MTA3: variants seen among roughly 807,000 people sequenced by gnomAD.
MTA3 encodes the protein metastasis associated 1 family member 3, also known as metastasis-associated protein MTA3.
A neutral mutation model predicts 83.5 loss-of-function variants in MTA3; 34 were observed. That is an observed-to-expected ratio of 0.41 (90% CI 0.31 to 0.54). MTA3 has a LOEUF of 0.54. Ranked by LOEUF, MTA3 falls within the 20% of genes least tolerant of loss-of-function variation. The pLI, the probability that MTA3 is intolerant of heterozygous loss-of-function variation, is 0.33. For missense variants in MTA3, 761 were observed against 726.4 expected (o/e 1.05, Z -0.55); for synonymous variants, 303 against 252.7 (o/e 1.20, Z -1.89).
At chr2:42,655,198 A>G (rs1010596354) in intron 6 of MTA3, among the ~76,000 whole-genome samples, 2 of 152,216 alleles carry the variant, frequency 1.3e-5, no homozygotes, top group African/African-American at 4.8e-5. Flanking sequence ...CCTTACCAGA[A>G]AAATCAAGGG....
intron 2 of MTA3, among the ~76,000 whole-genome samples, chr2:42,497,226 AAAAAC>A (rs568487168): frequency 6.8e-4 from 103 of 152,134 alleles, no homozygotes; most frequent in African/African-American, 2.3e-3. Context: ...GTTTTCAAAA[AAAAAC>A]AAAACAAACA....
intron 3 of MTA3, among the ~76,000 whole-genome samples, chr2:42,593,708 C>CTTTA (rs3039325): frequency 0.75 from 113,488 of 151,148 alleles, 42,965 homozygotes; most frequent in South Asian, 0.88. Context: ...GATATGGAGT[C>CTTTA]TTTATTTATT....
At chr2:42,513,628 C>T (rs1347442798) in intron 2 of MTA3, among the ~76,000 whole-genome samples, 1 of 152,056 alleles carries the variant, frequency 6.6e-6, no homozygotes, top group African/African-American at 2.4e-5. Context: ...CCACATAGGA[C>T]AGAGAAAAGG....
At chr2:42,585,158 C>T (rs969032367) in intron 3 of MTA3, among the ~76,000 whole-genome samples, 44 of 151,664 alleles carry the variant, frequency 2.9e-4, no homozygotes, top group African/African-American at 9.9e-4. Context: ...GCGCGATCTC[C>T]GGCTCACTGC....
chr2:42,533,849 AG>A (rs1676097748), intron 2 of MTA3, among the ~76,000 whole-genome samples: 1 of 137,886 alleles, frequency 7.3e-6, no homozygotes, highest in Non-Finnish European at 1.6e-5. Context: ...AAAAAAAAAA[AG>A]GAAAATAAAG....
In MTA3 at chr2:42,617,501, A is replaced by G. The variant is rs931988608; in HGVS notation, c.317+7917A>G. The stretch of plus-strand genomic sequence containing the variant: ...GAGTAGATAGATATATAATGGGAAA[A>G]GGTATTATTTTAAAATTTGCATGTT... On this transcript the variant is annotated intron_variant, in intron 4 of 16. Coordinates refer to ENST00000405094, the MANE Select transcript of MTA3 (RefSeq NM_001330442.2). Among the ~76,000 whole-genome samples the G allele has an allele frequency of 3.9e-5, 6 of 152,298 alleles. No homozygotes were observed. The East Asian group carries it at 1.2e-3, about 29-fold the overall frequency.
chr2:42,756,646 T>A lies in MTA3; in HGVS notation c.*3247T>A. The A allele has an allele frequency of 2.0e-6, 2 of 985,498 alleles. No homozygotes were observed. Among genetic ancestry groups the A allele is most frequent in the Non-Finnish European group, 2.4e-6 (2 of 829,974 alleles). 61.0% of individuals were successfully genotyped at this position (985,498 alleles called of 1,614,324 possible). A position where few individuals can be genotyped will look rare whatever the true frequency, so the allele number is the denominator to read the frequency against. On this transcript the variant is annotated 3_prime_UTR_variant, in exon 17 of 17. Coordinates refer to ENST00000405094, the MANE Select transcript of MTA3 (RefSeq NM_001330442.2). ...CTTTGGGGAGGGAGGGGGAAGCCTT[T>A]ATTCTTTACTGTTGTCCCTGTTTTC...
At position 42,615,502 on chromosome 2, in the gene MTA3, T is replaced by C. The variant is rs548690460; in HGVS notation, c.317+5918T>C. The stretch of plus-strand genomic sequence containing the variant: ...TCCCTAATAGCTGGGACTACAGGCA[T>C]GCGCCAGCGTGCTCAGCTAATTTTT... On this transcript the variant is annotated intron_variant, in intron 4 of 16. Coordinates refer to ENST00000405094, the MANE Select transcript of MTA3 (RefSeq NM_001330442.2). Among the ~76,000 whole-genome samples the C allele has an allele frequency of 1.7e-3, 258 of 151,400 alleles. 3 individuals carry two copies. Among genetic ancestry groups the C allele is most frequent in the African/African-American group, 5.4e-3 (223 of 41,336 alleles).
chr2:42,512,786 T>C (rs1486551936), intron 2 of MTA3, among the ~76,000 whole-genome samples: 1 of 152,230 alleles, frequency 6.6e-6, no homozygotes, highest in African/African-American at 2.4e-5. Context: ...CAGATACTTA[T>C]GGAAAGGGAG....
At chr2:42,603,054 T>A (rs578140024) in intron 3 of MTA3, among the ~76,000 whole-genome samples, 1 of 152,178 alleles carries the variant, frequency 6.6e-6, no homozygotes, top group Non-Finnish European at 1.5e-5. Flanking sequence ...GGTAGGACTT[T>A]TATGGCTTCC....
At chr2:42,677,495 A>T (rs1182100383) in intron 8 of MTA3, among the ~76,000 whole-genome samples, 1 of 152,082 alleles carries the variant, frequency 6.6e-6, no homozygotes, top group African/African-American at 2.4e-5. Context: ...GGCATGTGCC[A>T]CCATGCCTGG....
chr2:42,705,743 C>A (rs969160075), intron 12 of MTA3, among the ~76,000 whole-genome samples: 20 of 152,088 alleles, frequency 1.3e-4, no homozygotes, highest in Non-Finnish European at 2.2e-4. Flanking sequence ...TTGCAAACCC[C>A]TTTCACACTC....
At chr2:42,735,287 A>G (rs1668528304) in intron 16 of MTA3, among the ~76,000 whole-genome samples, 1 of 151,704 alleles carries the variant, frequency 6.6e-6, no homozygotes, top group African/African-American at 2.4e-5. Context: ...ATATCGTGAC[A>G]CTCTATTCTG....
intron 8 of MTA3, among the ~76,000 whole-genome samples, chr2:42,672,313 T>C (rs2104409603): frequency 6.7e-6 from 1 of 150,084 alleles, no homozygotes; most frequent in South Asian, 2.1e-4. Context: ...GAGACCAGCC[T>C]GAGTCAACAT....
chr2:42,678,672 G>A (rs1333965132), intron 8 of MTA3, among the ~76,000 whole-genome samples: 3 of 152,104 alleles, frequency 2.0e-5, no homozygotes, highest in Admixed American at 2.0e-4. Context: ...TGTTAAAGCA[G>A]TTATTTACTG....
At chr2:42,568,546 GGGCGGGCACCAGCC>G (rs1678053684), upstream of MTA3, 1 of 304,146 alleles carries the variant, frequency 3.3e-6, no homozygotes, top group South Asian at 1.4e-4. Flanking sequence ...CTGGCGCTGG[GGGCGGGCACCAGCC>G]CCCACCCCTC....
At chr2:42,745,832 T>TTTTTTTTTTTTTTTTTTTTTTTTA (rs70963350) in intron 16 of MTA3, among the ~76,000 whole-genome samples, 3 of 149,604 alleles carry the variant, frequency 2.0e-5, no homozygotes, top group East Asian at 2.0e-4. Flanking sequence ...CTCTTTTTTT[T>TTTTTTTTTTTTTTTTTTTTTTTTA]GAGACAGAGT....
At chr2:42,529,889 T>C (rs1326416743) in intron 2 of MTA3, among the ~76,000 whole-genome samples, 1 of 152,160 alleles carries the variant, frequency 6.6e-6, no homozygotes, top group Non-Finnish European at 1.5e-5. Flanking sequence ...CAAAAACTTC[T>C]CATTAAGATT....
Position 42,753,700 on chromosome 2 carries a change from G to A in MTA3, c.*301G>A, listed in dbSNP as rs185760311. 130 of 1,225,268 alleles carry A rather than the reference G, an allele frequency of 1.1e-4. No individual in the cohort carries two copies. In the African/African-American group the frequency reaches 1.7e-3, roughly 16 times the overall value. The allele number at this position is 1,225,268 out of a possible 1,614,324, so 75.9% of individuals were successfully genotyped here. Reference sequence around the variant, plus strand: ...CCCTCCACCTCCTCCCTTCTGCAGCGCCCTGCGCCCCACCCAGCAACAGCG... The same window carrying A: ...CCCTCCACCTCCTCCCTTCTGCAGCACCCTGCGCCCCACCCAGCAACAGCG... On this transcript the variant is annotated 3_prime_UTR_variant, in exon 17 of 17. Transcript: ENST00000405094.
Sources: gnomAD v4.1 joint callset for allele counts (sites outside exome capture counted in the v4.1 genomes callset) on GRCh38, gnomAD v4.1.1 for gene constraint, MANE v1.5 for transcripts, NCBI Gene and HGNC (gene_info 2026-07-23, HGNC 2026-07-21) for gene names.